Variants in PIP5K1B observed in about 807,000 individuals in gnomAD.
PIP5K1B encodes the protein phosphatidylinositol-4-phosphate 5-kinase type 1 beta, also known as phosphatidylinositol 4-phosphate 5-kinase type-1 beta.
In PIP5K1B, 42 loss-of-function variants were observed where a neutral mutation model predicts 67.0. That is an observed-to-expected ratio of 0.63 (90% CI 0.49 to 0.81). PIP5K1B has a LOEUF of 0.81. PIP5K1B is among the 30% of genes least tolerant of loss of function. The pLI is 0.00. For missense variants in PIP5K1B, 459 were observed against 646.3 expected, an observed-to-expected ratio of 0.71 and a Z score of 3.14; for synonymous variants, 214 against 231.4, an observed-to-expected ratio of 0.92 and a Z score of 0.68.
chr9:68,813,562 T>C (rs963217327), intron 2 of PIP5K1B, among the ~76,000 whole-genome samples: 5 of 152,216 alleles, frequency 3.3e-5, no homozygotes, highest in Non-Finnish European at 7.3e-5. Flanking sequence ...TAGAAAGATA[T>C]GTTGAAGTCC....
chr9:68,962,059 G>A (rs769644975), intron 14 of PIP5K1B, among the ~76,000 whole-genome samples: 7 of 152,076 alleles, frequency 4.6e-5, no homozygotes, highest in Non-Finnish European at 1.0e-4. Context: ...TCATTTTTAT[G>A]AGTTTTTAGA....
At chr9:68,927,542 A>G (rs1013748559) in intron 12 of PIP5K1B, among the ~76,000 whole-genome samples, 2 of 152,170 alleles carry the variant, frequency 1.3e-5, no homozygotes, top group Non-Finnish European at 2.9e-5. Context: ...AACATCTTGT[A>G]TGTGCTTATT....
chr9:68,968,412 C>T (rs1264847241), intron 14 of PIP5K1B, among the ~76,000 whole-genome samples: 2 of 148,888 alleles, frequency 1.3e-5, no homozygotes, highest in South Asian at 2.1e-4. Flanking sequence ...CCCAGCTACT[C>T]GGGAGGCTGA....
intron 13 of PIP5K1B, among the ~76,000 whole-genome samples, chr9:68,939,774 C>T (rs546927869): frequency 1.3e-5 from 2 of 152,282 alleles, no homozygotes; most frequent in Admixed American, 6.5e-5. Flanking sequence ...CACACTCATA[C>T]GAGAATCCCT....
chr9:68,830,906 G>T (rs1214158327), intron 4 of PIP5K1B, among the ~76,000 whole-genome samples: 1 of 152,194 alleles, frequency 6.6e-6, no homozygotes, highest in Non-Finnish European at 1.5e-5. Flanking sequence ...CTGGCCAGCA[G>T]GCCCCCTTTC....
chr9:68,812,062 G>T (rs971556793), intron 2 of PIP5K1B, among the ~76,000 whole-genome samples: 1 of 152,224 alleles, frequency 6.6e-6, no homozygotes, highest in Non-Finnish European at 1.5e-5. Flanking sequence ...CGTGGGGTGG[G>T]AATGGATGGT....
chr9:68,859,515 C>A (rs926547677), intron 4 of PIP5K1B, among the ~76,000 whole-genome samples: 2 of 152,148 alleles, frequency 1.3e-5, no homozygotes, highest in Non-Finnish European at 2.9e-5. Flanking sequence ...TTAAAGGAGT[C>A]AAAGGTTCCC....
chr9:68,773,047 G>T (rs1374964784), intron 2 of PIP5K1B, among the ~76,000 whole-genome samples: 1 of 152,188 alleles, frequency 6.6e-6, no homozygotes, highest in African/African-American at 2.4e-5. Context: ...ACTGCTGGAA[G>T]TATGATAATC....
chr9:68,791,456 G>A (rs1831967608), intron 2 of PIP5K1B, among the ~76,000 whole-genome samples: 1 of 152,176 alleles, frequency 6.6e-6, no homozygotes, highest in East Asian at 1.9e-4. Context: ...AGTAAAGAAT[G>A]GCATTGAGGA....
chr9:68,771,757 T>C lies in PIP5K1B; in HGVS notation c.-86+29100T>C, dbSNP rs11143686. 9.3e-3 allele frequency among the ~76,000 whole-genome samples: 1,419 copies of C among 152,312 alleles called. 10 individuals are homozygous for C. Among genetic ancestry groups the C allele is most frequent in the Non-Finnish European group, 0.016 (1,087 of 68,034 alleles). ...GCTGAAGGTTACTATCTTAGACTTATAGTTTTCAAAAGGAGAGTGAAGAAA... is the reference window on the plus strand; with the variant it reads ...GCTGAAGGTTACTATCTTAGACTTACAGTTTTCAAAAGGAGAGTGAAGAAA... On this transcript the variant is annotated intron_variant, in intron 2 of 15. Coordinates refer to ENST00000265382, the MANE Select transcript of PIP5K1B (RefSeq NM_003558.4).
At chr9:68,992,839 CAAAAAAAAAAAAAAAAA>C (rs201517701) in intron 15 of PIP5K1B, among the ~76,000 whole-genome samples, 55 of 57,578 alleles carry the variant, frequency 9.6e-4, no homozygotes, top group Admixed American at 5.2e-3. Flanking sequence ...GACCCTGTCT[CAAAAAAAAAAAAAAAAA>C]AAAAAAAAAA....
At chr9:68,969,931 A>C (rs1015204608) in intron 14 of PIP5K1B, among the ~76,000 whole-genome samples, 12 of 152,220 alleles carry the variant, frequency 7.9e-5, no homozygotes, top group African/African-American at 2.7e-4. Flanking sequence ...CATTGAGGAC[A>C]TATTTGTTGA....
At chr9:68,723,998 T>C (rs1217463320) in intron 1 of PIP5K1B, among the ~76,000 whole-genome samples, 5 of 152,092 alleles carry the variant, frequency 3.3e-5, no homozygotes, top group African/African-American at 1.2e-4. Context: ...AGTTTCATAG[T>C]TTTAGGCCTT....
At chr9:68,767,393 A>AGACCAGCCT (rs1372521331) in intron 2 of PIP5K1B, among the ~76,000 whole-genome samples, 1 of 152,168 alleles carries the variant, frequency 6.6e-6, no homozygotes, top group African/African-American at 2.4e-5. Flanking sequence ...CAGGAGTTCG[A>AGACCAGCCT]GACCAGCCTG....
At chr9:68,763,458 C>A (rs1309196825) in intron 2 of PIP5K1B, among the ~76,000 whole-genome samples, 1 of 152,038 alleles carries the variant, frequency 6.6e-6, no homozygotes, top group Non-Finnish European at 1.5e-5. Flanking sequence ...TATAAAAAAG[C>A]ACTCAACGAA....
chr9:68,906,779 C>A (rs1376851994), intron 8 of PIP5K1B, among the ~76,000 whole-genome samples: 1 of 152,198 alleles, frequency 6.6e-6, no homozygotes, highest in Non-Finnish European at 1.5e-5. Flanking sequence ...AAGGACAAAC[C>A]ATTATCACGA....
intron 14 of PIP5K1B, among the ~76,000 whole-genome samples, chr9:68,987,493 C>T (rs960660418): frequency 6.6e-5 from 10 of 152,132 alleles, no homozygotes; most frequent in South Asian, 6.2e-4. Flanking sequence ...ACCTGGGAGG[C>T]GGAGGTTGCA....
At chr9:68,971,610 A>G (rs761250349) in intron 14 of PIP5K1B, among the ~76,000 whole-genome samples, 27 of 152,378 alleles carry the variant, frequency 1.8e-4, no homozygotes, top group Non-Finnish European at 3.7e-4. Flanking sequence ...CAGTCCCACC[A>G]GCAGTGTAAA....
chr9:68,718,941 T>C (rs1464838977), intron 1 of PIP5K1B, among the ~76,000 whole-genome samples: 1 of 152,202 alleles, frequency 6.6e-6, no homozygotes, highest in Non-Finnish European at 1.5e-5. Flanking sequence ...AACCATACTG[T>C]CTGAAATGTG....
Sources: allele counts gnomAD v4.1 joint callset (sites outside exome capture counted in the v4.1 genomes callset), GRCh38; gene constraint gnomAD v4.1.1; transcripts MANE v1.5; gene names NCBI Gene and HGNC (gene_info 2026-07-23, HGNC 2026-07-21).